Variants in RAD54B observed in about 807,000 individuals in gnomAD.
RAD54B encodes the protein RAD54 homolog B.
In RAD54B, 78 loss-of-function variants were observed where a neutral mutation model predicts 95.8. That is an observed-to-expected ratio of 0.81 (90% CI 0.68 to 0.98). The LOEUF (loss-of-function observed/expected upper bound fraction) is 0.98, where lower values mean the gene tolerates loss of function less well. RAD54B is among the 50% of genes least tolerant of loss of function. The pLI, the probability that RAD54B is intolerant of heterozygous loss-of-function variation, is 0.00. For missense variants in RAD54B, 957 were observed against 1,056.6 expected (o/e 0.91, Z 1.31); for synonymous variants, 328 against 354.9 (o/e 0.92, Z 0.85).
Position 94,372,196 on chromosome 8 carries a change from T to C in RAD54B, c.2707A>G (p.Ile903Val), listed in dbSNP as rs1810456841. ...TENVSFIFQN[I>V]TTQATGT The stretch of plus-strand genomic sequence containing the variant: ...TATGTGCCAGTAGCTTGAGTGGTTA[T>C]ATTCTGAAAAATGAATGACACATTT... The change falls in exon 15 of 15, where the codon ATA (isoleucine) becomes GTA (valine). Residue 903 changes from isoleucine to valine, a missense_variant. Coordinates refer to ENST00000336148, the MANE Select transcript of RAD54B (RefSeq NM_012415.3). 1 of 1,610,694 alleles carries C rather than the reference T, an allele frequency of 6.2e-7. No individual in the cohort carries two copies. The highest frequency in any genetic ancestry group is 8.5e-7 in the Non-Finnish European group (1 of 1,179,046).
intron 10 of RAD54B, 92 bp downstream of exon 10, chr8:94,391,517 C>T (rs1287880810): frequency 3.7e-6 from 5 of 1,340,002 alleles, no homozygotes; most frequent in African/African-American, 3.0e-5. Flanking sequence ...CCCACAAATG[C>T]AACCTCAGAA....
intron 3 of RAD54B, among the ~76,000 whole-genome samples, chr8:94,418,634 C>A (rs900641622): frequency 6.3e-4 from 96 of 152,102 alleles, no homozygotes; most frequent in African/African-American, 2.2e-3. Flanking sequence ...TCCCCTTACC[C>A]AAAACCCCTG....
chr8:94,428,469 C>T lies in RAD54B; in HGVS notation c.305-17154G>A, dbSNP rs79066129. The T allele has an allele frequency of 2.2e-3, 607 of 279,532 alleles. 2 individuals carry two copies. The highest frequency in any genetic ancestry group is 0.013 in the African/African-American group (554 of 43,768). 17.3% of individuals were successfully genotyped at this position (279,532 alleles called of 1,614,324 possible). On this transcript the variant is annotated intron_variant, in intron 3 of 14. Coordinates refer to ENST00000336148, the MANE Select transcript of RAD54B (RefSeq NM_012415.3). ...TGTTTGTATTCACATACAATTTACA[C>T]ACATCCTTCCATATACTTTAAATCA...
intron 11 of RAD54B, among the ~76,000 whole-genome samples, chr8:94,382,017 A>G (rs1056213738): frequency 4.6e-5 from 7 of 151,556 alleles, no homozygotes; most frequent in East Asian, 1.9e-4. Flanking sequence ...CGGAGGCTGA[A>G]GCAGGAGAAT....
chr8:94,428,817 G>A (rs1309603958), intron 3 of RAD54B: 1 of 984,744 alleles, frequency 1.0e-6, no homozygotes, highest in Non-Finnish European at 1.2e-6. Context: ...ATGTTAGTTG[G>A]TAAGTAGTCC....
At chr8:94,385,225 G>A (rs780144824) in intron 11 of RAD54B, among the ~76,000 whole-genome samples, 37 of 151,804 alleles carry the variant, frequency 2.4e-4, no homozygotes, top group Non-Finnish European at 4.0e-4. Context: ...TTTCCCCTAT[G>A]ACATCTTCAA....
intron 3 of RAD54B, chr8:94,432,118 T>C (rs779654615): frequency 6.2e-5 from 93 of 1,511,636 alleles, no homozygotes; most frequent in Non-Finnish European, 7.6e-5. Flanking sequence ...AATTGCAAGA[T>C]TGAAAAAAAA....
chr8:94,396,387 C>CA (rs112302212), intron 8 of RAD54B, among the ~76,000 whole-genome samples: 1,472 of 132,340 alleles, frequency 0.011, 14 homozygotes, highest in African/African-American at 0.024. Context: ...CCTATCCCTA[C>CA]AAAAAAAAAA....
chr8:94,401,789 T>A (rs993171040), intron 6 of RAD54B, among the ~76,000 whole-genome samples: 1 of 152,228 alleles, frequency 6.6e-6, no homozygotes, highest in African/African-American at 2.4e-5. Flanking sequence ...GGTGGCTGTT[T>A]TAGATCAATA....
intron 3 of RAD54B, chr8:94,429,340 C>G: frequency 1.8e-6 from 1 of 544,504 alleles, no homozygotes; most frequent in Non-Finnish European, 2.3e-6. Flanking sequence ...TTTTTACCTT[C>G]CACAATTATT....
At chr8:94,451,043 A>G (rs866233266) in intron 3 of RAD54B, among the ~76,000 whole-genome samples, 4 of 152,274 alleles carry the variant, frequency 2.6e-5, no homozygotes, top group Middle Eastern at 3.4e-3. Context: ...GTAATCATAT[A>G]TAGATTTTCG....
intron 6 of RAD54B, among the ~76,000 whole-genome samples, chr8:94,401,088 AG>A (rs1811255905): frequency 6.6e-6 from 1 of 152,200 alleles, no homozygotes. Context: ...ATATTTTTAA[AG>A]ACCTTAGAAG....
At chr8:94,463,401 A>T (rs1812950573) in intron 2 of RAD54B, among the ~76,000 whole-genome samples, 1 of 152,098 alleles carries the variant, frequency 6.6e-6, no homozygotes, top group Non-Finnish European at 1.5e-5. Context: ...ACCCACTAGT[A>T]TGGCCACAAT....
intron 3 of RAD54B, 50 bp downstream of exon 3, chr8:94,458,218 T>A: frequency 6.9e-7 from 1 of 1,449,064 alleles, no homozygotes; most frequent in Non-Finnish European, 9.3e-7. Flanking sequence ...TAAAGAATAC[T>A]GTAATACTAT....
At chr8:94,412,407 G>C (rs1811551726) in intron 3 of RAD54B, among the ~76,000 whole-genome samples, 1 of 151,376 alleles carries the variant, frequency 6.6e-6, no homozygotes, top group Admixed American at 6.6e-5. Context: ...AGAAGTGAAA[G>C]TGTTGGATCA....
chr8:94,437,913 G>C (rs942871363), intron 3 of RAD54B, among the ~76,000 whole-genome samples: 3 of 152,134 alleles, frequency 2.0e-5, no homozygotes, highest in Non-Finnish European at 4.4e-5. Context: ...ATGTAAGCAA[G>C]ACAAACCTAT....
At chr8:94,425,404 CACA>C (rs1811919246) in intron 3 of RAD54B, among the ~76,000 whole-genome samples, 3 of 151,736 alleles carry the variant, frequency 2.0e-5, no homozygotes, top group African/African-American at 7.3e-5. Context: ...TTTTCAATGG[CACA>C]AATGAAAATT....
intron 5 of RAD54B, among the ~76,000 whole-genome samples, chr8:94,405,941 A>G (rs1322711924): frequency 6.6e-6 from 1 of 151,852 alleles, no homozygotes; most frequent in Non-Finnish European, 1.5e-5. Context: ...ACCTAATTCT[A>G]TCCTTGGCTA....
Position 94,411,262 on chromosome 8 carries a change from C to G in RAD54B, c.358G>C (p.Asp120His). The G allele has an allele frequency of 6.2e-7, 1 of 1,608,220 alleles. No individual in the cohort carries two copies. Among genetic ancestry groups the G allele is most frequent in the Non-Finnish European group, 8.5e-7 (1 of 1,178,432 alleles). Reference sequence around the variant, plus strand: ...ACACTGAAATATTTAACTAGGCTATCAGATTTCTCTTCTTGTTCCTTGGAC... The same window carrying G: ...ACACTGAAATATTTAACTAGGCTATGAGATTTCTCTTCTTGTTCCTTGGAC... ...AVSKEQEEKS[D>H]SLVKYFSVVW... The change falls in exon 4 of 15, where the codon GAT becomes CAT. Residue 120 changes from aspartate (D) to histidine (H), a missense_variant. Physicochemically the swap from Asp to His is moderately conservative, Grantham distance 81. Coordinates refer to ENST00000336148, the MANE Select transcript of RAD54B (RefSeq NM_012415.3).
Sources: allele counts gnomAD v4.1 joint callset (sites outside exome capture counted in the v4.1 genomes callset), GRCh38; gene constraint gnomAD v4.1.1; transcripts MANE v1.5; gene names NCBI Gene and HGNC (gene_info 2026-07-23, HGNC 2026-07-21).